Variants in NBEA observed in about 807,000 individuals in gnomAD.
NBEA encodes neurobeachin, also known as lysosomal-trafficking regulator 2.
A neutral mutation model predicts 343.4 loss-of-function variants in NBEA; 44 were observed. The ratio of observed to expected loss-of-function variants is 0.13; its 90% CI spans 0.10 to 0.16. The LOEUF (loss-of-function observed/expected upper bound fraction) is 0.16, where lower values mean the gene tolerates loss of function less well. Among genes scored for constraint, NBEA ranks in the 10% least tolerant of loss-of-function variants. The probability of loss-of-function intolerance (pLI) is 1.00; values close to 1 mark genes in which losing one functional copy is unlikely to be tolerated. For missense variants in NBEA, 2,555 were observed against 3,631.3 expected (o/e 0.70, Z 7.62); for synonymous variants, 1,175 against 1,238.7 (o/e 0.95, Z 1.08).
Position 34,992,262 on chromosome 13 carries a change from A to ATATATT in NBEA, c.295-48670_295-48669insATATTT, listed in dbSNP as rs1459023833. ...TGTATATATATATATATATATATAT[A>ATATATT]TTTTTTTTTTTAGACAGAGTCTAGC... On this transcript the variant is annotated intron_variant, in intron 1 of 58. Coordinates refer to ENST00000379939, the MANE Select transcript of NBEA (RefSeq NM_001385012.1). Among the ~76,000 whole-genome samples the ATATATT allele has an allele frequency of 4.3e-3, 489 of 114,264 alleles. 11 individuals are homozygous for ATATATT. The highest frequency in any genetic ancestry group is 0.033 in the Admixed American group (389 of 11,718). The allele number at this position is 114,264 out of a possible 152,430, so 75.0% of individuals were successfully genotyped here.
At chr13:34,944,915 A>C (rs1425226769) in intron 1 of NBEA, among the ~76,000 whole-genome samples, 1 of 149,300 alleles carries the variant, frequency 6.7e-6, no homozygotes, top group African/African-American at 2.6e-5. Flanking sequence ...ACTCTGCAGC[A>C]GTAGCAATGT....
rs1476912876 is a variant in NBEA at position 35,112,598 on chromosome 13, CATA to C, written c.2002+1626_2002+1628del. Reference sequence around the variant, plus strand: ...AGTCTAAACAAATCATATATTCACACATAATAATTTCTGCCTTAAAATATTAAT... The same window carrying C: ...AGTCTAAACAAATCATATATTCACACATAATTTCTGCCTTAAAATATTAAT... On this transcript the variant is annotated intron_variant, in intron 13 of 58. Coordinates refer to ENST00000379939, the MANE Select transcript of NBEA (RefSeq NM_001385012.1). Among the ~76,000 whole-genome samples, 6 of 152,212 alleles carry C rather than the reference CATA, an allele frequency of 3.9e-5. No homozygotes were observed. The East Asian group carries it at 1.2e-3, about 29-fold the overall frequency.
intron 14 of NBEA, 27 bp from the exon 15 acceptor site, chr13:35,118,196 TGTAAA>T: frequency 3.1e-6 from 4 of 1,307,398 alleles, no homozygotes; most frequent in Non-Finnish European, 4.1e-6. Flanking sequence ...TAATTTTAGA[TGTAAA>T]GTAATAAAAT....
In NBEA at chr13:35,188,601, G is replaced by A. The variant is rs528631619; in HGVS notation, c.4927+4530G>A. Among the ~76,000 whole-genome samples the A allele has an allele frequency of 3.9e-5, 6 of 152,088 alleles. No homozygotes were observed. In the East Asian group the frequency reaches 9.7e-4, roughly 25 times the overall value. On this transcript the variant is annotated intron_variant, in intron 30 of 58. Coordinates refer to ENST00000379939, the MANE Select transcript of NBEA (RefSeq NM_001385012.1). ...TTATGGGTGAATAGTGTTCCATTGT[G>A]TATATACATTTTATTTATTCATTCA... is the stretch of plus-strand genomic sequence containing the variant.
chr13:34,956,514 T>C (rs1566088629), intron 1 of NBEA, among the ~76,000 whole-genome samples: 1 of 152,122 alleles, frequency 6.6e-6, no homozygotes, highest in Admixed American at 6.5e-5. Context: ...TCAACCCTTT[T>C]TAAAATTTTG....
intron 34 of NBEA, among the ~76,000 whole-genome samples, chr13:35,288,812 A>G (rs1035509434): frequency 2.0e-5 from 3 of 151,886 alleles, no homozygotes; most frequent in Non-Finnish European, 4.4e-5. Context: ...TTGGCCTTTT[A>G]CTTGTTTTTT....
intron 41 of NBEA, among the ~76,000 whole-genome samples, chr13:35,483,534 T>C (rs1468276492): frequency 6.6e-6 from 1 of 152,014 alleles, no homozygotes; most frequent in Non-Finnish European, 1.5e-5. Flanking sequence ...ATTATGTAAA[T>C]GTAGATGGTT....
At position 34,942,789 on chromosome 13, in the gene NBEA, C is replaced by T. The variant is rs1477914994; in HGVS notation, c.-32C>T. 2 of 1,319,128 alleles carry T rather than the reference C, an allele frequency of 1.5e-6. No homozygotes were observed. The highest frequency in any genetic ancestry group is 1.6e-5 in the African/African-American group (1 of 64,328). 81.7% of individuals were successfully genotyped at this position (1,319,128 alleles called of 1,614,324 possible). A position where few individuals can be genotyped will look rare whatever the true frequency, so the allele number is the denominator to read the frequency against. ...AACGGTACCGGCGGCGGCAGCGCCG[C>T]TGCTCTTCCCTTCTCCTCAGGAGGG... On this transcript the variant is annotated 5_prime_UTR_variant, in exon 1 of 59. Coordinates refer to ENST00000379939, the MANE Select transcript of NBEA (RefSeq NM_001385012.1).
At chr13:35,197,122 A>C (rs1346948149) in intron 31 of NBEA, among the ~76,000 whole-genome samples, 1 of 152,190 alleles carries the variant, frequency 6.6e-6, no homozygotes, top group East Asian at 1.9e-4. Context: ...AGAATATTTT[A>C]GTCACTAATT....
chr13:35,362,266 C>T (rs752849060), intron 38 of NBEA, among the ~76,000 whole-genome samples: 1 of 151,784 alleles, frequency 6.6e-6, no homozygotes, highest in East Asian at 1.9e-4. Context: ...CATAGAGTCT[C>T]AAGACCATAA....
In NBEA at chr13:35,621,912, T is replaced by G. The variant is rs143012893; in HGVS notation, c.7450-6169T>G. Among the ~76,000 whole-genome samples, 674 of 152,344 alleles carry G rather than the reference T, an allele frequency of 4.4e-3. 4 individuals carry two copies. The highest frequency in any genetic ancestry group is 0.016 in the African/African-American group (645 of 41,580). ...GATATAGTATTAACTTTGGAAACAA[T>G]GAAGTGCTAATTGGCAATCATCCCA... On this transcript the variant is annotated intron_variant, in intron 48 of 58. Transcript: ENST00000379939.
intron 41 of NBEA, chr13:35,476,730 G>A (rs987995849): frequency 7.5e-6 from 8 of 1,060,516 alleles, no homozygotes; most frequent in African/African-American, 3.4e-5. Flanking sequence ...TAAAGGCAGG[G>A]CCAGGCAGGC....
At chr13:34,969,527 T>G (rs927672798) in intron 1 of NBEA, among the ~76,000 whole-genome samples, 1 of 151,930 alleles carries the variant, frequency 6.6e-6, no homozygotes, top group South Asian at 2.1e-4. Context: ...CTAGTAGACA[T>G]TAGTTATTCT....
chr13:34,961,828 G>T (rs1160492506), intron 1 of NBEA, among the ~76,000 whole-genome samples: 2 of 152,040 alleles, frequency 1.3e-5, no homozygotes, highest in African/African-American at 4.8e-5. Flanking sequence ...AAGATGGCTA[G>T]AAGCTAGATC....
rs1476539076 is a variant in NBEA at position 35,012,493 on chromosome 13, G to A, written c.295-28440G>A. Among the ~76,000 whole-genome samples, 6 of 152,296 alleles carry A rather than the reference G, an allele frequency of 3.9e-5. No individual in the cohort carries two copies. In the East Asian group the frequency reaches 1.2e-3, roughly 29 times the overall value. ...AAGCCATACCAAGTAAATAGCCTAAGTGAGTCACTTTTGAGTACTTTACAT... is the reference window on the plus strand; with the variant it reads ...AAGCCATACCAAGTAAATAGCCTAAATGAGTCACTTTTGAGTACTTTACAT... On this transcript the variant is annotated intron_variant, in intron 1 of 58. Coordinates refer to ENST00000379939, the MANE Select transcript of NBEA (RefSeq NM_001385012.1).
intron 36 of NBEA, among the ~76,000 whole-genome samples, chr13:35,344,008 G>T (rs1258478907): frequency 6.6e-6 from 1 of 152,022 alleles, no homozygotes; most frequent in Non-Finnish European, 1.5e-5. Flanking sequence ...TGCCAAAAAG[G>T]TTGGGAACTG....
chr13:35,162,228 A>G (rs920586423), intron 23 of NBEA, among the ~76,000 whole-genome samples: 2 of 152,184 alleles, frequency 1.3e-5, no homozygotes, highest in Admixed American at 6.5e-5. Context: ...TTCAAAGATG[A>G]TAACTTAGAC....
intron 55 of NBEA, among the ~76,000 whole-genome samples, chr13:35,658,092 A>T (rs998565239): frequency 6.6e-6 from 1 of 152,188 alleles, no homozygotes; most frequent in Admixed American, 6.5e-5. Flanking sequence ...AAAGCTCCTT[A>T]CAACAGGAGC....
chr13:35,204,176 G>C (rs1195447662), intron 31 of NBEA, among the ~76,000 whole-genome samples: 1 of 152,118 alleles, frequency 6.6e-6, no homozygotes, highest in Non-Finnish European at 1.5e-5. Flanking sequence ...ATTCTTCTAG[G>C]AGTACAAACC....
Sources: allele counts gnomAD v4.1 joint callset (sites outside exome capture counted in the v4.1 genomes callset), GRCh38; gene constraint gnomAD v4.1.1; transcripts MANE v1.5; gene names NCBI Gene and HGNC (gene_info 2026-07-23, HGNC 2026-07-21).